TRANK1: variants seen among roughly 807,000 people sequenced by gnomAD.
TRANK1 encodes tetratricopeptide repeat and ankyrin repeat containing 1.
A neutral mutation model predicts 266.0 loss-of-function variants in TRANK1; 198 were observed. The ratio of observed to expected loss-of-function variants is 0.74; its 90% CI spans 0.66 to 0.84. The LOEUF (loss-of-function observed/expected upper bound fraction) is 0.84, where lower values mean the gene tolerates loss of function less well. Among genes scored for constraint, TRANK1 ranks in the 40% least tolerant of loss-of-function variants. TRANK1 has a pLI of 0.00. For missense variants in TRANK1, 3,326 were observed against 3,634.6 expected (o/e 0.92, Z 2.18); for synonymous variants, 1,396 against 1,384.1 (o/e 1.01, Z -0.19).
At chr3:36,926,268 C>T (rs934432059) in intron 1 of TRANK1, among the ~76,000 whole-genome samples, 2 of 152,126 alleles carry the variant, frequency 1.3e-5, no homozygotes, top group East Asian at 3.8e-4. Flanking sequence ...AATGGCTATA[C>T]GCAGGCATCC....
At chr3:36,847,116 C>T in intron 16 of TRANK1, 84 bp downstream of exon 16, 1 of 1,460,428 alleles carries the variant, frequency 6.8e-7, no homozygotes, top group Non-Finnish European at 9.2e-7. Context: ...AGTGCAAGCT[C>T]CATTTTTCCT....
Position 36,831,690 on chromosome 3 carries a change from C to A in TRANK1, c.7893G>T (p.Leu2631=). ...AVNVKSVAEA[L]QDLLFERDEE... is the part of the protein sequence containing the mutation. ...CATCCCGCTCAAAGAGCAGGTCCTG[C>A]AGTGCCTCAGCCACAGACTTCACAT... is the stretch of plus-strand genomic sequence containing the variant. Residue 2631 remains leucine, a synonymous_variant, in exon 22 of 24, where the codon CTG becomes CTT. Coordinates refer to ENST00000645898, the MANE Select transcript of TRANK1 (RefSeq NM_001329998.2). The surrounding 1 kb of genome is among the most constrained non-coding windows in gnomAD (Gnocchi z 5.0). 1.2e-6 allele frequency: 2 copies of A among 1,614,028 alleles called. No individual in the cohort carries two copies. Among genetic ancestry groups the A allele is most frequent in the African/African-American group, 1.3e-5 (1 of 75,048 alleles).
rs557794018 is a variant in TRANK1, at chr3:36,838,777, G to T, written c.5281-61C>A. 2.5e-4 allele frequency: 374 copies of T among 1,491,714 alleles called. 4 individuals carry two copies. The South Asian group carries it at 4.2e-3, about 17-fold the overall frequency. The allele number at this position is 1,491,714 out of a possible 1,614,324, so 92.4% of individuals were successfully genotyped here. A position where few individuals can be genotyped will look rare whatever the true frequency, so the allele number is the denominator to read the frequency against. On this transcript the variant is annotated intron_variant, in intron 18 of 23. Coordinates refer to ENST00000645898, the MANE Select transcript of TRANK1 (RefSeq NM_001329998.2). Reference sequence around the variant, plus strand: ...AATGGAGGTAACAGACAGAACAACGGTTAAAGCATGCATTATAAGTTTGTA... The same window carrying T: ...AATGGAGGTAACAGACAGAACAACGTTTAAAGCATGCATTATAAGTTTGTA...
chr3:36,902,109 G>A (rs1196954011), intron 3 of TRANK1, among the ~76,000 whole-genome samples: 1 of 152,022 alleles, frequency 6.6e-6, no homozygotes, highest in East Asian at 1.9e-4. Context: ...AACAATAGCT[G>A]ATAAGCTTTA....
intron 22 of TRANK1, 63 bp downstream of exon 22, chr3:36,830,810 T>G: frequency 9.3e-6 from 14 of 1,498,614 alleles, no homozygotes; most frequent in Non-Finnish European, 1.2e-5. Flanking sequence ...AATTTAACCC[T>G]GAGAAATGTC....
chr3:36,859,959 G>C (rs139778458), intron 11 of TRANK1, among the ~76,000 whole-genome samples: 12 of 152,294 alleles, frequency 7.9e-5, no homozygotes, highest in Non-Finnish European at 1.6e-4. Context: ...AAGGATCAAT[G>C]TGCTATTGAT....
intron 1 of TRANK1, 134 bp from the exon 2 acceptor site, chr3:36,908,588 C>A: frequency 8.1e-7 from 1 of 1,230,480 alleles, no homozygotes; most frequent in Non-Finnish European, 1.0e-6. Context: ...CACATCTTGG[C>A]AACACCTCTC....
chr3:36,895,629 C>G lies in TRANK1; in HGVS notation c.552+11G>C, dbSNP rs578250343. On this transcript the variant is annotated intron_variant, in intron 5 of 23. Coordinates refer to ENST00000645898, the MANE Select transcript of TRANK1 (RefSeq NM_001329998.2). ...GTACTCTCCCCGTGAGAGCCATCTC[C>G]TTTTACTTACATGCCATAATCCTTT... The G allele has an allele frequency of 4.5e-5, 68 of 1,500,520 alleles. No individual in the cohort carries two copies. In the African/African-American group the frequency reaches 9.3e-4, roughly 20 times the overall value. 93.0% of individuals were successfully genotyped at this position (1,500,520 alleles called of 1,614,324 possible).
chr3:36,866,320 A>G (rs2079227350), intron 9 of TRANK1, among the ~76,000 whole-genome samples: 7 of 152,270 alleles, frequency 4.6e-5, no homozygotes. Flanking sequence ...ATGTTCTACC[A>G]GAGTGGGAAT....
rs1406555508 is a variant in TRANK1, at chr3:36,855,473, T to C, written c.4249A>G (p.Ile1417Val). 6.2e-7 allele frequency: 1 copy of C among 1,613,980 alleles called. No individual in the cohort carries two copies. Among genetic ancestry groups the C allele is most frequent in the South Asian group, 1.1e-5 (1 of 91,078 alleles). Residue 1417 changes from isoleucine to valine, a missense_variant, in exon 13 of 24, where the codon ATA (isoleucine) becomes GTA (valine). Transcript: ENST00000645898. Reference protein sequence around the residue: ...YFDEEDVLYNISRRLSKLRVL... With the variant: ...YFDEEDVLYNVSRRLSKLRVL... ...CTGAGCTTCGACAGCCTCCGGGATA[T>C]GTTGTACAGAACATCCTCTTCATCA...
intron 1 of TRANK1, among the ~76,000 whole-genome samples, chr3:36,919,454 G>C (rs2125647301): frequency 6.6e-6 from 1 of 152,300 alleles, no homozygotes; most frequent in East Asian, 1.9e-4. Context: ...GTATATATCA[G>C]TAACTCCTTT....
At chr3:36,921,563 T>C (rs979455598) in intron 1 of TRANK1, among the ~76,000 whole-genome samples, 18 of 152,300 alleles carry the variant, frequency 1.2e-4, no homozygotes, top group African/African-American at 4.1e-4. Flanking sequence ...TGAAGGTTGC[T>C]ATAACTCCAG....
At chr3:36,919,549 A>C (rs1005100348) in intron 1 of TRANK1, among the ~76,000 whole-genome samples, 2 of 152,236 alleles carry the variant, frequency 1.3e-5, no homozygotes, top group African/African-American at 4.8e-5. Flanking sequence ...AATTGTTTCC[A>C]GTTTGAGACA....
At chr3:36,945,577 G>T (rs569564007), upstream of TRANK1, among the ~76,000 whole-genome samples, 9 of 152,300 alleles carry the variant, frequency 5.9e-5, no homozygotes, top group Non-Finnish European at 1.3e-4. Context: ...GTGCGCACAG[G>T]CCTGAGCAGG....
At chr3:36,874,378 T>C in intron 8 of TRANK1, 82 bp from the exon 9 acceptor site, 1 of 1,449,982 alleles carries the variant, frequency 6.9e-7, no homozygotes, top group East Asian at 2.5e-5. Flanking sequence ...CTTCTCAGTC[T>C]CCTCCCAAGC....
intron 8 of TRANK1, among the ~76,000 whole-genome samples, chr3:36,882,943 C>T (rs1304387518): frequency 1.3e-5 from 2 of 152,074 alleles, no homozygotes; most frequent in South Asian, 2.1e-4. Context: ...CAATTCTCAC[C>T]TATTGGACCA....
At chr3:36,828,483 A>G in intron 23 of TRANK1, 108 bp from the exon 24 acceptor site, 2 of 786,468 alleles carry the variant, frequency 2.5e-6, no homozygotes, top group South Asian at 3.3e-5. Flanking sequence ...GGAAGGAAGA[A>G]AGGAAGGAAG....
At chr3:36,880,645 T>C (rs764444842) in intron 8 of TRANK1, 3 of 190,836 alleles carry the variant, frequency 1.6e-5, no homozygotes, top group Non-Finnish European at 3.4e-5. Flanking sequence ...TCTACTACTT[T>C]TTCCACCACA....
At position 36,855,629 on chromosome 3, in the gene TRANK1, G is replaced by A. The variant is rs528400371; in HGVS notation, c.4093C>T (p.His1365Tyr). The change falls in exon 13 of 24, where the codon CAT becomes TAT. Residue 1365 changes from histidine to tyrosine, a missense_variant. Physicochemically the swap from His to Tyr is moderately conservative, Grantham distance 83 (BLOSUM62 2). Transcript: ENST00000645898. ...KGSFEALSCP[H>Y]GRLTEEVYKK... is the part of the protein sequence containing the mutation. ...TATACTTCTTCAGTGAGTCTCCCATGGGGACAGCTGAGGGCCTCAAAAGAA... is the reference window on the plus strand; with the variant it reads ...TATACTTCTTCAGTGAGTCTCCCATAGGGACAGCTGAGGGCCTCAAAAGAA... 1.9e-6 allele frequency: 3 copies of A among 1,613,866 alleles called. No individual in the cohort carries two copies. Among genetic ancestry groups the A allele is most frequent in the South Asian group, 1.1e-5 (1 of 91,076 alleles).
Sources: allele counts gnomAD v4.1 joint callset (sites outside exome capture counted in the v4.1 genomes callset), GRCh38; gene constraint gnomAD v4.1.1; non-coding constraint Gnocchi (gnomAD v3.1); transcripts MANE v1.5; gene names NCBI Gene and HGNC (gene_info 2026-07-23, HGNC 2026-07-21).